Variants in UGT1A8 observed in about 807,000 individuals in gnomAD.
UGT1A8 encodes UDP-glucuronosyltransferase 1A8.
UGT1A8 carries 39 observed loss-of-function variants against 45.3 expected under a neutral mutation model. The ratio of observed to expected loss-of-function variants is 0.86; its 90% CI spans 0.67 to 1.12. UGT1A8 has a LOEUF of 1.12. Among genes scored for constraint, UGT1A8 ranks in the 50% most tolerant of loss-of-function variants. The probability of loss-of-function intolerance (pLI) is 0.00; values close to 1 mark genes in which losing one functional copy is unlikely to be tolerated. For synonymous variants in UGT1A8, 275 were observed against 249.2 expected (o/e 1.10, Z -0.97); for missense variants, 719 against 664.9 (o/e 1.08, Z -0.90).
intron 1 of UGT1A8, among the ~76,000 whole-genome samples, chr2:233,722,376 A>C (rs969132963): frequency 2.1e-4 from 32 of 152,346 alleles, no homozygotes; most frequent in African/African-American, 7.5e-4. Context: ...TTGAAATCTT[A>C]CGTTTCTTCT....
Position 233,772,737 on chromosome 2 carries a change from G to A in UGT1A8, c.*178G>A. ...ATAAAAATAATAGACTCGCTAGTCA[G>A]TAAAGATATTTGAATATGTATCGTG... On this transcript the variant is annotated 3_prime_UTR_variant, in exon 5 of 5. Transcript: ENST00000373450. The A allele has an allele frequency of 7.0e-7, 1 of 1,436,900 alleles. No individual in the cohort carries two copies. Among genetic ancestry groups the A allele is most frequent in the Non-Finnish European group, 9.1e-7 (1 of 1,096,214 alleles). 89.0% of individuals were successfully genotyped at this position (1,436,900 alleles called of 1,614,324 possible). A position where few individuals can be genotyped will look rare whatever the true frequency, so the allele number is the denominator to read the frequency against.
chr2:233,725,142 G>A (rs181617719), intron 1 of UGT1A8, among the ~76,000 whole-genome samples: 1 of 130,406 alleles, frequency 7.7e-6, no homozygotes, highest in Non-Finnish European at 1.6e-5. Flanking sequence ...CAGCAGTACA[G>A]TCCAGCTTCG....
intron 1 of UGT1A8, chr2:233,672,157 A>G (rs1559334070): frequency 2.5e-6 from 4 of 1,614,188 alleles, no homozygotes; most frequent in Non-Finnish European, 3.4e-6. Context: ...TTGCACAGTG[A>G]AGACTTATTC....
intron 1 of UGT1A8, chr2:233,713,278 ACACT>A: frequency 6.2e-7 from 1 of 1,614,252 alleles, no homozygotes; most frequent in Non-Finnish European, 8.5e-7. Context: ...TTGCTGGGTC[ACACT>A]CAATCGTTCT....
chr2:233,758,503 A>C (rs1293377688), intron 1 of UGT1A8, among the ~76,000 whole-genome samples: 1 of 152,234 alleles, frequency 6.6e-6, no homozygotes, highest in Non-Finnish European at 1.5e-5. Context: ...AATTTCTAAT[A>C]AGGACACAAC....
In UGT1A8 at chr2:233,698,217, GAATTA is replaced by G. The variant is rs370522111; in HGVS notation, c.856-68809_856-68805del. ...ATCAACATGCACTTTTAATTATTAG[GAATTA>G]AATTAAAGTGATCAAAATAGAATTT... On this transcript the variant is annotated intron_variant, in intron 1 of 4. Coordinates refer to ENST00000373450, the MANE Select transcript of UGT1A8 (RefSeq NM_019076.5). Among the ~76,000 whole-genome samples, 5 of 152,050 alleles carry G rather than the reference GAATTA, an allele frequency of 3.3e-5. No individual in the cohort carries two copies. The East Asian group carries it at 5.8e-4, about 18-fold the overall frequency.
intron 1 of UGT1A8, among the ~76,000 whole-genome samples, chr2:233,723,070 TATC>T (rs1029287051): frequency 2.8e-5 from 4 of 141,500 alleles, no homozygotes; most frequent in Admixed American, 7.2e-5. Context: ...TATGGAAATA[TATC>T]ATCATTTTTG....
intron 1 of UGT1A8, chr2:233,636,755 C>T (rs765888404): frequency 1.9e-6 from 3 of 1,614,174 alleles, no homozygotes; most frequent in Non-Finnish European, 2.5e-6. Flanking sequence ...AAGACTTACT[C>T]AACCTCGTAC....
intron 1 of UGT1A8, among the ~76,000 whole-genome samples, chr2:233,715,946 TTGAC>T (rs1026670441): frequency 8.5e-5 from 13 of 152,220 alleles, no homozygotes; most frequent in African/African-American, 2.9e-4. Flanking sequence ...TTGTGGTTTG[TTGAC>T]TGACTGACTG....
At chr2:233,643,103 A>C (rs2125465863) in intron 1 of UGT1A8, among the ~76,000 whole-genome samples, 1 of 152,320 alleles carries the variant, frequency 6.6e-6, no homozygotes, top group African/African-American at 2.4e-5. Flanking sequence ...TCAGCAGGTG[A>C]TACAGCCAGC....
At chr2:233,690,721 G>A in intron 1 of UGT1A8, 1 of 1,214,646 alleles carries the variant, frequency 8.2e-7, no homozygotes, top group Admixed American at 3.3e-5. Context: ...ATGACGAACA[G>A]ACATGCCAGA....
chr2:233,672,177 T>C, intron 1 of UGT1A8: 14 of 1,614,192 alleles, frequency 8.7e-6, no homozygotes, highest in Non-Finnish European at 1.2e-5. Flanking sequence ...CAACTTCATA[T>C]ACCCTGGAGG....
chr2:233,748,690 T>C (rs1289414709), intron 1 of UGT1A8, among the ~76,000 whole-genome samples: 4 of 151,634 alleles, frequency 2.6e-5, no homozygotes, highest in Non-Finnish European at 5.9e-5. Context: ...ACAAAAGATT[T>C]TTCTGGTCAG....
At position 233,677,515 on chromosome 2, in the gene UGT1A8, T is replaced by G. The variant is rs1005185371; in HGVS notation, c.855+58953T>G. On this transcript the variant is annotated intron_variant, in intron 1 of 4. Coordinates refer to ENST00000373450, the MANE Select transcript of UGT1A8 (RefSeq NM_019076.5). ...ATGTTATTAGTATTATATCCTGTAT[T>G]ATGACAATGCAGCTAGCTAGAGAAA... is the stretch of plus-strand genomic sequence containing the variant. Among the ~76,000 whole-genome samples, 3 of 152,272 alleles carry G rather than the reference T, an allele frequency of 2.0e-5. No homozygotes were observed. In the East Asian group the frequency reaches 5.8e-4, roughly 29 times the overall value.
At chr2:233,724,344 C>CCT (rs2077230748) in intron 1 of UGT1A8, among the ~76,000 whole-genome samples, 1 of 144,934 alleles carries the variant, frequency 6.9e-6, no homozygotes, top group African/African-American at 2.5e-5. Context: ...GGGCTGACCC[C>CCT]CCCCACCTCC....
chr2:233,705,322 A>C (rs144397415), intron 1 of UGT1A8, among the ~76,000 whole-genome samples: 9 of 152,304 alleles, frequency 5.9e-5, no homozygotes, highest in South Asian at 2.1e-4. Flanking sequence ...GTTTTTCAGC[A>C]ACACATTCTC....
intron 1 of UGT1A8, among the ~76,000 whole-genome samples, chr2:233,646,544 C>G (rs750991428): frequency 2.6e-5 from 4 of 152,178 alleles, no homozygotes; most frequent in African/African-American, 7.2e-5. Flanking sequence ...ATTTCTCACA[C>G]CAGTTACCCT....
At chr2:233,625,026 G>A (rs923773138) in intron 1 of UGT1A8, among the ~76,000 whole-genome samples, 14 of 151,972 alleles carry the variant, frequency 9.2e-5, no homozygotes, top group East Asian at 7.7e-4. Context: ...TTTGATTCTC[G>A]AAAAACATAA....
rs560828770 is a variant in UGT1A8, at chr2:233,701,758, G to A, written c.856-65276G>A. 2.2e-4 allele frequency among the ~76,000 whole-genome samples: 34 copies of A among 152,276 alleles called. No individual in the cohort carries two copies. The East Asian group carries it at 2.3e-3, about 10-fold the overall frequency. On this transcript the variant is annotated intron_variant, in intron 1 of 4. Transcript: ENST00000373450. ...CCTGAATAACTACTGGGTACATAACGAAATGAAGGCAGAAATAAAGGTGTT... is the reference window on the plus strand; with the variant it reads ...CCTGAATAACTACTGGGTACATAACAAAATGAAGGCAGAAATAAAGGTGTT...
Sources: allele counts gnomAD v4.1 joint callset (sites outside exome capture counted in the v4.1 genomes callset), GRCh38; gene constraint gnomAD v4.1.1; transcripts MANE v1.5; gene names NCBI Gene and HGNC (gene_info 2026-07-23, HGNC 2026-07-21).